ADCY5: variants seen among roughly 807,000 people sequenced by gnomAD.
The protein encoded by ADCY5 is adenylate cyclase type 5.
Under a neutral mutation model 119.7 loss-of-function variants are expected in ADCY5, and 30 were observed. The observed-to-expected ratio is 0.25, with a 90% CI of 0.19 to 0.34. ADCY5 has a LOEUF of 0.34. ADCY5 is among the 10% of genes least tolerant of loss of function. The pLI is 1.00. For synonymous variants in ADCY5, 753 were observed against 762.2 expected, an observed-to-expected ratio of 0.99 and a Z score of 0.20; for missense variants, 1,324 against 1,775.2, an observed-to-expected ratio of 0.75 and a Z score of 4.57.
At chr3:123,363,143 G>GAAAAA (rs58854772) in intron 1 of ADCY5, among the ~76,000 whole-genome samples, 1 of 50,086 alleles carries the variant, frequency 2.0e-5, no homozygotes, top group Non-Finnish European at 4.7e-5. Flanking sequence ...ATTCCTTCTT[G>GAAAAA]AAAAAAAAAA....
intron 3 of ADCY5, among the ~76,000 whole-genome samples, chr3:123,335,296 T>G (rs891069853): frequency 2.0e-5 from 3 of 152,180 alleles, no homozygotes; most frequent in African/African-American, 7.2e-5. Flanking sequence ...CTCTGCGTGG[T>G]GTGTCTCCTC....
chr3:123,387,723 C>G (rs913588859), intron 1 of ADCY5, among the ~76,000 whole-genome samples: 1 of 152,164 alleles, frequency 6.6e-6, no homozygotes, highest in Non-Finnish European at 1.5e-5. Context: ...ATTAATTAGG[C>G]AAACATGTAC....
At chr3:123,288,094 G>A (rs565516049) in intron 19 of ADCY5, among the ~76,000 whole-genome samples, 79 of 152,318 alleles carry the variant, frequency 5.2e-4, no homozygotes, top group Middle Eastern at 3.4e-3. Flanking sequence ...GGCTGTGCTC[G>A]GGGCCTCCAG....
rs1018387506 is a variant in ADCY5 at position 123,313,225 on chromosome 3, C to T, written c.2442+1010G>A. On this transcript the variant is annotated intron_variant, in intron 12 of 20. Transcript: ENST00000462833. ...TCCCTTCCAGTTCTGACAATCAGTC[C>T]ACCAAGACCTTGACCATGACGTGAC... Among the ~76,000 whole-genome samples the T allele has an allele frequency of 8.5e-5, 13 of 152,156 alleles. 1 individual carries two copies. The highest frequency in any genetic ancestry group is 1.3e-4 in the Non-Finnish European group (9 of 68,018).
intron 1 of ADCY5, among the ~76,000 whole-genome samples, chr3:123,389,887 G>A (rs964160000): frequency 6.7e-6 from 1 of 148,418 alleles, no homozygotes; most frequent in African/African-American, 2.5e-5. Context: ...AAATGGTGCA[G>A]TGCTCGCTGG....
At position 123,284,676 on chromosome 3, in the gene ADCY5, C is replaced by T. The variant is rs371764014; in HGVS notation, c.3718G>A (p.Val1240Met). 31 of 1,614,106 alleles carry T rather than the reference C, an allele frequency of 1.9e-5. No individual in the cohort carries two copies. Among genetic ancestry groups the T allele is most frequent in the Middle Eastern group, 1.6e-4 (1 of 6,084 alleles). ...ANTYQLECRG[V>M]VKVKGKGEMM... ...TCGCCTTTGCCCTTGACCTTGACCA[C>T]GCCCCGGCACTCCAGCTGGTACGTG... is the stretch of plus-strand genomic sequence containing the variant. Residue 1240 changes from valine (V) to methionine (M), a missense_variant, in exon 21 of 21, where the codon GTG (valine) becomes ATG (methionine). Val to Met is a conservative substitution (Grantham distance 21, BLOSUM62 1). This residue lies in a region of ADCY5 where 178 missense variants were observed against 329.6 expected (regional missense o/e 0.54). Transcript: ENST00000462833.
At chr3:123,425,929 G>A (rs1223944898) in intron 1 of ADCY5, among the ~76,000 whole-genome samples, 4 of 152,228 alleles carry the variant, frequency 2.6e-5, no homozygotes, top group Admixed American at 2.0e-4. Context: ...CTTCTTGCCT[G>A]TTTACTGCCA....
At chr3:123,425,148 G>A (rs571755020) in intron 1 of ADCY5, among the ~76,000 whole-genome samples, 42 of 152,138 alleles carry the variant, frequency 2.8e-4, no homozygotes, top group Non-Finnish European at 4.1e-4. Flanking sequence ...GCAGGAAGCT[G>A]GCAGACCGCT....
At chr3:123,389,183 G>T (rs1944326733) in intron 1 of ADCY5, among the ~76,000 whole-genome samples, 1 of 152,162 alleles carries the variant, frequency 6.6e-6, no homozygotes, top group Non-Finnish European at 1.5e-5. Context: ...CCTCAATGAG[G>T]CAGGAAGTTT....
At chr3:123,432,649 G>A (rs1290152300) in intron 1 of ADCY5, among the ~76,000 whole-genome samples, 1 of 152,066 alleles carries the variant, frequency 6.6e-6, no homozygotes, top group African/African-American at 2.4e-5. Flanking sequence ...TCTTGCCTCA[G>A]CCTCCTAACT....
rs200652199 is a variant in ADCY5, at chr3:123,318,067, C to T, written c.2307G>A (p.Ser769=). Residue 769 remains serine (S), a synonymous_variant, in exon 11 of 21, where the codon TCG becomes TCA. Transcript: ENST00000462833. The stretch of plus-strand genomic sequence containing the variant: ...CAAAGCAGATGAAGAGGAAGACGAG[C>T]GAGGCACACGCCACATAGGCACCAA... ...DRFGAYVACA[S]LVFLFICFVQ... The T allele has an allele frequency of 4.9e-4, 785 of 1,613,872 alleles. No homozygotes were observed. The highest frequency in any genetic ancestry group is 6.3e-4 in the Non-Finnish European group (746 of 1,179,926).
intron 1 of ADCY5, among the ~76,000 whole-genome samples, chr3:123,435,851 TTTATTATTATTA>T (rs34160272): frequency 0.024 from 3,031 of 125,846 alleles, 104 homozygotes; most frequent in African/African-American, 0.079. Context: ...CAAGAGCCCT[TTTATTATTATTA>T]TTATTATTAT....
At chr3:123,373,262 A>G (rs1409898804) in intron 1 of ADCY5, among the ~76,000 whole-genome samples, 4 of 152,268 alleles carry the variant, frequency 2.6e-5, no homozygotes, top group African/African-American at 9.6e-5. Context: ...ATACAGACTG[A>G]TCTGACTTCA....
intron 1 of ADCY5, among the ~76,000 whole-genome samples, chr3:123,371,969 G>A (rs957051357): frequency 6.6e-6 from 1 of 152,196 alleles, no homozygotes; most frequent in East Asian, 1.9e-4. Context: ...GAGCACAGAG[G>A]AGGGCTTGGG....
At chr3:123,348,047 GTGTGTGTGTGTGTGTGTCTGTGCA>G in intron 2 of ADCY5, 144 bp from the exon 3 acceptor site, 1 of 710,476 alleles carries the variant, frequency 1.4e-6, no homozygotes, top group Non-Finnish European at 2.4e-6. Flanking sequence ...GTGTGTGTGT[GTGTGTGTGTGTGTGTGTCTGTGCA>G]TGTGTGTGTA....
chr3:123,285,005 G>A (rs946350999), intron 20 of ADCY5, among the ~76,000 whole-genome samples: 1 of 152,356 alleles, frequency 6.6e-6, no homozygotes, highest in Non-Finnish European at 1.5e-5. Flanking sequence ...CTGTTTCAGT[G>A]TGGCCTGTGG....
chr3:123,320,039 C>T (rs1206762468), intron 9 of ADCY5, among the ~76,000 whole-genome samples: 1 of 152,220 alleles, frequency 6.6e-6, no homozygotes, highest in African/African-American at 2.4e-5. Context: ...CAGTCCCCTT[C>T]GGGCTGAAGG....
chr3:123,374,723 G>A (rs372552358), intron 1 of ADCY5, among the ~76,000 whole-genome samples: 2 of 150,272 alleles, frequency 1.3e-5, no homozygotes, highest in African/African-American at 4.9e-5. Context: ...TGGAGGCTGG[G>A]TCTGCAGACT....
chr3:123,367,412 T>G (rs1011329909), intron 1 of ADCY5, among the ~76,000 whole-genome samples: 3 of 152,208 alleles, frequency 2.0e-5, no homozygotes, highest in Non-Finnish European at 4.4e-5. Flanking sequence ...AGGAGACGTT[T>G]GCTTTGAGGC....
Sources: allele counts gnomAD v4.1 joint callset (sites outside exome capture counted in the v4.1 genomes callset), GRCh38; gene constraint gnomAD v4.1.1; regional missense constraint gnomAD v4.1.1; transcripts MANE v1.5; gene names NCBI Gene and HGNC (gene_info 2026-07-23, HGNC 2026-07-21).